The following PNPLA7 variants were observed in gnomAD, a reference collection of about 807,000 sequenced individuals.
PNPLA7 encodes patatin like domain 7, lysophospholipase.
In PNPLA7, 153 loss-of-function variants were observed where a neutral mutation model predicts 161.7. The observed-to-expected ratio is 0.95, with a 90% CI of 0.83 to 1.08. The LOEUF is 1.08. Among genes scored for constraint, PNPLA7 ranks in the 50% least tolerant of loss-of-function variants. PNPLA7 has a pLI of 0.00. For missense variants in PNPLA7, 1,739 were observed against 1,856.6 expected, an observed-to-expected ratio of 0.94 and a Z score of 1.16; for synonymous variants, 809 against 782.1, an observed-to-expected ratio of 1.03 and a Z score of -0.57.
chr9:137,535,014 A>G (rs537128446), intron 8 of PNPLA7, among the ~76,000 whole-genome samples: 3 of 152,350 alleles, frequency 2.0e-5, no homozygotes, highest in African/African-American at 7.2e-5. Flanking sequence ...TTTTTGGAAC[A>G]CTAGATGGCC....
intron 29 of PNPLA7, chr9:137,463,093 A>G: frequency 6.7e-6 from 4 of 600,702 alleles, no homozygotes; most frequent in Non-Finnish European, 8.8e-6. Context: ...CGACACCTGC[A>G]GGCTGTTAGT....
At chr9:137,519,583 T>C (rs1202356685) in intron 11 of PNPLA7, among the ~76,000 whole-genome samples, 1 of 151,942 alleles carries the variant, frequency 6.6e-6, no homozygotes, top group East Asian at 1.9e-4. Flanking sequence ...TGGGGAGGTC[T>C]GAGGACATCC....
rs558431741 is a variant in PNPLA7, at chr9:137,468,899, TAAAA to T, written c.2883-1430_2883-1427del. Among the ~76,000 whole-genome samples the T allele has an allele frequency of 6.6e-6, 1 of 151,754 alleles. No individual in the cohort carries two copies. Among genetic ancestry groups the T allele is most frequent in the Non-Finnish European group, 1.5e-5 (1 of 67,936 alleles). On this transcript the variant is annotated intron_variant, in intron 25 of 34. Transcript: ENST00000406427. The surrounding 1 kb of genome is among the most constrained non-coding windows in gnomAD (Gnocchi z 4.0). ...TTATGTTATGTATATTTTAACATAA[TAAAA>T]AAAACCATATGTAATACTGCCACAG...
intron 14 of PNPLA7, among the ~76,000 whole-genome samples, chr9:137,503,813 A>AAAT (rs1564324533): frequency 2.1e-4 from 4 of 19,278 alleles, no homozygotes; most frequent in African/African-American, 5.1e-4. Context: ...AAGAAGGAAG[A>AAAT]AGATGAAGGA....
chr9:137,500,969 CGGACGA>C lies in PNPLA7; in HGVS notation c.1552-79_1552-74del. On this transcript the variant is annotated intron_variant, in intron 15 of 34. Transcript: ENST00000406427. This position sits in a 1 kb window ranked among gnomAD's most constrained non-coding sequence, Gnocchi z 5.5. ...GACGGGGGCAGCTCTGGGCCCAGAG[CGGACGA>C]TGCCACCAGGCTCAGCCGGGAGACC... 1 of 1,374,998 alleles carries C rather than the reference CGGACGA, an allele frequency of 7.3e-7. No individual in the cohort carries two copies. Among genetic ancestry groups the C allele is most frequent in the Non-Finnish European group, 9.9e-7 (1 of 1,014,070 alleles). 85.2% of individuals were successfully genotyped at this position (1,374,998 alleles called of 1,614,324 possible).
chr9:137,478,307 G>A (rs949950954), intron 24 of PNPLA7, 155 bp from the exon 25 acceptor site: 3 of 509,706 alleles, frequency 5.9e-6, no homozygotes, highest in Non-Finnish European at 9.2e-6. Context: ...GATACGACTG[G>A]TCAGCACCTC....
At chr9:137,483,674 C>T (rs898879750) in intron 21 of PNPLA7, among the ~76,000 whole-genome samples, 1 of 152,040 alleles carries the variant, frequency 6.6e-6, no homozygotes, top group African/African-American at 2.4e-5. Context: ...CCAGGCTTGT[C>T]TAGAACTCCT....
At position 137,520,187 on chromosome 9, in the gene PNPLA7, ACTCTCAAAGGTGTGACAGGTGTGGGC is replaced by A. The variant is rs1564346941; in HGVS notation, c.958-170_958-145del. The A allele has an allele frequency of 1.6e-5, 20 of 1,226,070 alleles. No individual in the cohort carries two copies. The highest frequency in any genetic ancestry group is 4.5e-5 in the Admixed American group (2 of 44,540). The allele number at this position is 1,226,070 out of a possible 1,614,324, so 75.9% of individuals were successfully genotyped here. A position where few individuals can be genotyped will look rare whatever the true frequency, so the allele number is the denominator to read the frequency against. ...CCCTCAAAGGTGTGACAGGTGTGGGACTCTCAAAGGTGTGACAGGTGTGGGCCTCTCAAAGGTGTGACAGGTGTGGG... is the reference window on the plus strand; with the variant it reads ...CCCTCAAAGGTGTGACAGGTGTGGGACTCTCAAAGGTGTGACAGGTGTGGG... On this transcript the variant is annotated intron_variant, in intron 10 of 34. Transcript: ENST00000406427. This position sits in a 1 kb window ranked among gnomAD's most constrained non-coding sequence, Gnocchi z 5.2.
Position 137,506,144 on chromosome 9 carries a change from G to C in PNPLA7, c.1226-61C>G, listed in dbSNP as rs1029958727. 4.9e-6 allele frequency: 7 copies of C among 1,442,164 alleles called. No individual in the cohort carries two copies. In the Admixed American group the frequency reaches 9.6e-5, roughly 20 times the overall value. The allele number at this position is 1,442,164 out of a possible 1,614,324, so 89.3% of individuals were successfully genotyped here. ...TAGGCCACTGACACAAACGTCCGCG[G>C]TGTGGGCTGAGCACACCCTGCAGTC... On this transcript the variant is annotated intron_variant, in intron 12 of 34. Transcript: ENST00000406427.
rs1833428106 is a variant in PNPLA7 at position 137,501,655 on chromosome 9, C to A, written c.1546G>T (p.Asp516Tyr). The change falls in exon 15 of 35, where the codon GAC (aspartate) becomes TAC (tyrosine). Residue 516 changes from aspartate (D) to tyrosine (Y), a missense_variant. Around this residue, in one of 6 missense-constraint regions of PNPLA7, gnomAD observed 481 missense variants for 450.0 expected, o/e 1.07. Coordinates refer to ENST00000406427, the MANE Select transcript of PNPLA7 (RefSeq NM_001098537.3). ...CCCCCCAGACCCCCGCTCACCTGGT[C>A]TCCCTGCCTTGACACCACCGTGCCT... ...PAGTVVSRQG[D>Y]QDASILFVVS... 1 of 1,612,076 alleles carries A rather than the reference C, an allele frequency of 6.2e-7. No homozygotes were observed.
intron 4 of PNPLA7, among the ~76,000 whole-genome samples, chr9:137,545,830 G>T (rs557496918): frequency 6.6e-6 from 1 of 152,190 alleles, no homozygotes; most frequent in African/African-American, 2.4e-5. Flanking sequence ...TAGTGGTGAC[G>T]CCAGCGTCTG....
At position 137,543,662 on chromosome 9, in the gene PNPLA7, T is replaced by C. The variant is rs1588716300; in HGVS notation, c.365+62A>G. The C allele has an allele frequency of 6.2e-7, 1 of 1,611,766 alleles. No individual in the cohort carries two copies. Among genetic ancestry groups the C allele is most frequent in the Non-Finnish European group, 8.5e-7 (1 of 1,178,514 alleles). ...GCTGACACACCAGGCAGCTCAGGGTTGGGGAGGCCAGCACCATGGGGGGCA... is the reference window on the plus strand; with the variant it reads ...GCTGACACACCAGGCAGCTCAGGGTCGGGGAGGCCAGCACCATGGGGGGCA... On this transcript the variant is annotated intron_variant, in intron 5 of 34. Transcript: ENST00000406427. This position sits in a 1 kb window ranked among gnomAD's most constrained non-coding sequence, Gnocchi z 6.9.
At position 137,460,440 on chromosome 9, in the gene PNPLA7, G is replaced by T; in HGVS notation, c.3982C>A (p.Leu1328Met). ...ESSLRHRHPSLAFPKLSEGSS... is the reference protein window; with the variant it reads ...ESSLRHRHPSMAFPKLSEGSS... ...CCCTCAGACAGTTTTGGGAAAGCCA[G>T]ACTGGGGTGTCGATGCCGCAGTGAG... Residue 1328 changes from leucine (L) to methionine (M), a missense_variant, in exon 35 of 35, where the codon CTG becomes ATG. Leu to Met is a conservative substitution (Grantham distance 15). Around this residue, in one of 6 missense-constraint regions of PNPLA7, gnomAD observed 703 missense variants for 694.6 expected, o/e 1.01. Transcript: ENST00000406427. 1.9e-6 allele frequency: 3 copies of T among 1,612,732 alleles called. No individual in the cohort carries two copies. Among genetic ancestry groups the T allele is most frequent in the African/African-American group, 1.3e-5 (1 of 75,048 alleles).
Position 137,478,118 on chromosome 9 carries a change from G to A in PNPLA7, c.2798C>T (p.Pro933Leu), listed in dbSNP as rs3812499. ...GCGGGAGAAGTCTGAGTGTCGGTCC[G>A]GGGGCCGCTGGAAGACATGCTTGTA... ...EMYKHVFQRP[P>L]DRHSDFSRLA... The change falls in exon 25 of 35, where the codon CCG becomes CTG. Residue 933 changes from proline to leucine, a missense_variant. Coordinates refer to ENST00000406427, the MANE Select transcript of PNPLA7 (RefSeq NM_001098537.3). The A allele has an allele frequency of 4.3e-3, 5,861 of 1,347,618 alleles. 370 individuals are homozygous for A. The East Asian group carries it at 0.14, about 32-fold the overall frequency. The allele number at this position is 1,347,618 out of a possible 1,614,324, so 83.5% of individuals were successfully genotyped here. A position where few individuals can be genotyped will look rare whatever the true frequency, so the allele number is the denominator to read the frequency against.
At position 137,550,188 on chromosome 9, in the gene PNPLA7, C is replaced by T. The variant is rs1406203951; in HGVS notation, c.10G>A (p.Glu4Lys). Residue 4 changes from glutamate (E) to lysine (K), a missense_variant, in exon 1 of 35, where the codon GAG becomes AAG. By Grantham distance (56) the Glu-to-Lys change is moderately conservative. Around this residue, in one of 6 missense-constraint regions of PNPLA7, gnomAD observed 209 missense variants for 252.8 expected, o/e 0.83. Coordinates refer to ENST00000406427, the MANE Select transcript of PNPLA7 (RefSeq NM_001098537.3). Reference sequence around the variant, plus strand: ...CATACCTGTGGGCTGTCATCTTTCTCTTCCTCCATGGCCAGAAACAGAAAA... The same window carrying T: ...CATACCTGTGGGCTGTCATCTTTCTTTTCCTCCATGGCCAGAAACAGAAAA... MEE[E>K]KDDSPQADFC... 1.2e-6 allele frequency: 2 copies of T among 1,613,076 alleles called. No homozygotes were observed. Among genetic ancestry groups the T allele is most frequent in the South Asian group, 1.1e-5 (1 of 91,080 alleles).
chr9:137,481,681 G>T (rs934558375), intron 21 of PNPLA7, among the ~76,000 whole-genome samples: 1 of 152,194 alleles, frequency 6.6e-6, no homozygotes, highest in African/African-American at 2.4e-5. Flanking sequence ...GCTAGAGATC[G>T]GCTGGGCGCG....
chr9:137,494,552 C>T (rs972831731), intron 19 of PNPLA7, among the ~76,000 whole-genome samples: 11 of 152,138 alleles, frequency 7.2e-5, no homozygotes, highest in South Asian at 6.2e-4. Flanking sequence ...CCCTCACCCG[C>T]GCCCTCACCT....
intron 11 of PNPLA7, among the ~76,000 whole-genome samples, chr9:137,518,168 A>C (rs1588663471): frequency 1.2e-5 from 1 of 81,032 alleles, no homozygotes; most frequent in Non-Finnish European, 2.3e-5. Context: ...CACTCACTCC[A>C]CTCTGTCCAC....
At chr9:137,485,916 T>A (rs1369569842) in intron 20 of PNPLA7, among the ~76,000 whole-genome samples, 1 of 152,132 alleles carries the variant, frequency 6.6e-6, no homozygotes, top group Non-Finnish European at 1.5e-5. Context: ...CAGGCCCTCT[T>A]TACTGGATGC....
Sources: allele counts gnomAD v4.1 joint callset (sites outside exome capture counted in the v4.1 genomes callset), GRCh38; gene constraint gnomAD v4.1.1; regional missense constraint gnomAD v4.1.1; non-coding constraint Gnocchi (gnomAD v3.1); transcripts MANE v1.5; gene names NCBI Gene and HGNC (gene_info 2026-07-23, HGNC 2026-07-21).